RAB14: variants seen among roughly 807,000 people sequenced by gnomAD.
The protein encoded by RAB14 is ras-related protein Rab-14.
In RAB14, 3 loss-of-function variants were observed where a neutral mutation model predicts 31.1. The ratio of observed to expected loss-of-function variants is 0.10; its 90% confidence interval spans 0.04 to 0.25. RAB14 has a LOEUF of 0.25. RAB14 is among the 10% of genes least tolerant of loss of function. The pLI, the probability that RAB14 is intolerant of heterozygous loss-of-function variation, is 1.00. For synonymous variants in RAB14, 85 were observed against 84.9 expected (o/e 1.00, Z 0.00); for missense variants, 111 against 260.1 (o/e 0.43, Z 3.94).
At chr9:121,194,090 T>TCACACACACACACACACACACA (rs56275636) in intron 1 of RAB14, among the ~76,000 whole-genome samples, 21 of 141,400 alleles carry the variant, frequency 1.5e-4, no homozygotes, top group South Asian at 2.2e-4. Flanking sequence ...TTGCAGATTA[T>TCACACACACACACACACACACA]CACTCACACA....
At position 121,179,943 on chromosome 9, in the gene RAB14, TA is replaced by T. The variant is rs138931707; in HGVS notation, c.*1452del. On this transcript the variant is annotated 3_prime_UTR_variant, in exon 8 of 8. Transcript: ENST00000373840. ...CCCAGCCACTGAATCATAAATGCAATAAAAAAAATCAACAGAAATGAAGAAC... is the reference window on the plus strand; with the variant it reads ...CCCAGCCACTGAATCATAAATGCAATAAAAAAATCAACAGAAATGAAGAAC... The T allele has an allele frequency of 0.08, 12,190 of 152,422 alleles. 539 individuals are homozygous for T. The highest frequency in any genetic ancestry group is 0.11 in the Non-Finnish European group (7,418 of 67,970). 9.4% of individuals were successfully genotyped at this position (152,422 alleles called of 1,614,324 possible). A position where few individuals can be genotyped will look rare whatever the true frequency, so the allele number is the denominator to read the frequency against.
At chr9:121,197,901 T>C (rs1312088081) in intron 1 of RAB14, among the ~76,000 whole-genome samples, 1 of 152,218 alleles carries the variant, frequency 6.6e-6, no homozygotes, top group East Asian at 1.9e-4. Context: ...CAAAATAATA[T>C]CCATGTAGTT....
rs1362556212 is a variant in RAB14 at position 121,178,317 on chromosome 9, A to C, written c.*3079T>G. 1.3e-5 allele frequency: 2 copies of C among 152,348 alleles called. No individual in the cohort carries two copies. The highest frequency in any genetic ancestry group is 2.9e-5 in the Non-Finnish European group (2 of 68,038). The allele number at this position is 152,348 out of a possible 1,614,324, so 9.4% of individuals were successfully genotyped here. ...TTTTGTATTTACATTTTTTGTTTCAAGTCTTAGCAAAATGCTAAAAGGCCT... is the reference window on the plus strand; with the variant it reads ...TTTTGTATTTACATTTTTTGTTTCACGTCTTAGCAAAATGCTAAAAGGCCT... On this transcript the variant is annotated 3_prime_UTR_variant, in exon 8 of 8. Transcript: ENST00000373840.
At chr9:121,186,069 T>C (rs1005884542) in intron 5 of RAB14, among the ~76,000 whole-genome samples, 1 of 152,052 alleles carries the variant, frequency 6.6e-6, no homozygotes, top group Admixed American at 6.6e-5. Flanking sequence ...ATGTTGGGGG[T>C]ATAAAGCCAA....
At chr9:121,196,010 G>A (rs1045522694) in intron 1 of RAB14, among the ~76,000 whole-genome samples, 1 of 151,868 alleles carries the variant, frequency 6.6e-6, no homozygotes, top group Non-Finnish European at 1.5e-5. Context: ...TATTGTTAAG[G>A]TGAGGAATAT....
At chr9:121,196,655 C>A (rs1334753159) in intron 1 of RAB14, among the ~76,000 whole-genome samples, 2 of 152,156 alleles carry the variant, frequency 1.3e-5, no homozygotes, top group Non-Finnish European at 2.9e-5. Flanking sequence ...CGTGCCTCCT[C>A]CACATGGTTA....
At chr9:121,199,257 G>A (rs562210211) in intron 1 of RAB14, among the ~76,000 whole-genome samples, 5 of 152,300 alleles carry the variant, frequency 3.3e-5, no homozygotes, top group East Asian at 1.9e-4. Flanking sequence ...GATGAAGCAA[G>A]ACTGATCACT....
At chr9:121,190,447 T>C (rs1343998100) in intron 4 of RAB14, 107 bp downstream of exon 4, 8 of 1,006,042 alleles carry the variant, frequency 8.0e-6, no homozygotes, top group Middle Eastern at 5.1e-4. Context: ...AGTAAGTTCA[T>C]TCACAGTCAT....
chr9:121,182,942 G>T lies in RAB14; in HGVS notation c.458C>A (p.Ala153Glu). The change falls in exon 7 of 8, where the codon GCG becomes GAG. Residue 153 changes from alanine to glutamate, a missense_variant. Transcript: ENST00000373840. ...TGGTCACACTTACGTTTTTGCACTC[G>T]CTTCGAGGAACAATAAGCCTAAAAA... is the stretch of plus-strand genomic sequence containing the variant. ...AEENGLLFLE[A>E]SAKTGENVED... The T allele has an allele frequency of 1.2e-6, 2 of 1,602,828 alleles. No individual in the cohort carries two copies. Among genetic ancestry groups the T allele is most frequent in the Non-Finnish European group, 1.7e-6 (2 of 1,172,458 alleles).
At chr9:121,188,589 CA>C (rs2053670277) in intron 4 of RAB14, among the ~76,000 whole-genome samples, 1 of 150,050 alleles carries the variant, frequency 6.7e-6, no homozygotes, top group South Asian at 2.1e-4. Flanking sequence ...TATGGCAAAA[CA>C]ACTGTCACGA....
chr9:121,193,430 A>G lies in RAB14; in HGVS notation c.-7-11T>C. 3 of 1,553,366 alleles carry G rather than the reference A, an allele frequency of 1.9e-6. No homozygotes were observed. Among genetic ancestry groups the G allele is most frequent in the Non-Finnish European group, 1.7e-6 (2 of 1,145,264 alleles). ...GTTGCCATGGTGGCACTAAAAACAA[A>G]GAAATCTCTGTTACTTCAGAAGGAA... On this transcript the variant is annotated splice_polypyrimidine_tract_variant and intron_variant, in intron 1 of 7. Transcript: ENST00000373840.
Position 121,192,239 on chromosome 9 carries a change from AG to A in RAB14, c.53-16del. On this transcript the variant is annotated splice_polypyrimidine_tract_variant and intron_variant, in intron 2 of 7. Transcript: ENST00000373840. ...TCCCATGTCCCCTGTTTAAAAAAAA[AG>A]AAGTTTCAGGTGGCAATTACATTTC... 1.3e-6 allele frequency: 2 copies of A among 1,580,916 alleles called. No individual in the cohort carries two copies. Among genetic ancestry groups the A allele is most frequent in the South Asian group, 1.1e-5 (1 of 87,270 alleles).
rs757098321 is a variant in RAB14, at chr9:121,181,118, A to G, written c.*278T>C. The G allele has an allele frequency of 7.2e-6, 2 of 278,830 alleles. No homozygotes were observed. Among genetic ancestry groups the G allele is most frequent in the Non-Finnish European group, 1.3e-5 (2 of 150,024 alleles). 17.3% of individuals were successfully genotyped at this position (278,830 alleles called of 1,614,324 possible). ...AGTCCAGCATCAGTGCTCGGTTTAA[A>G]TCATATATTGGTGACATACTTATCA... On this transcript the variant is annotated 3_prime_UTR_variant, in exon 8 of 8. Coordinates refer to ENST00000373840, the MANE Select transcript of RAB14 (RefSeq NM_016322.4).
intron 3 of RAB14, 102 bp from the exon 4 acceptor site, chr9:121,190,833 TAC>T: frequency 8.8e-7 from 1 of 1,130,942 alleles, no homozygotes. Flanking sequence ...TACTAATACT[TAC>T]AGGCTATAAA....
chr9:121,199,566 A>G (rs916150872), intron 1 of RAB14, among the ~76,000 whole-genome samples: 1 of 152,244 alleles, frequency 6.6e-6, no homozygotes, highest in Admixed American at 6.5e-5. Flanking sequence ...GATATTTGAT[A>G]TTGATAAAAA....
intron 3 of RAB14, among the ~76,000 whole-genome samples, chr9:121,191,438 A>C (rs538093437): frequency 6.6e-6 from 1 of 152,224 alleles, no homozygotes; most frequent in African/African-American, 2.4e-5. Flanking sequence ...TCTGGGTTCA[A>C]GCAAGCCTCC....
intron 1 of RAB14, among the ~76,000 whole-genome samples, chr9:121,194,697 A>G (rs2053705623): frequency 6.6e-6 from 1 of 152,186 alleles, no homozygotes; most frequent in African/African-American, 2.4e-5. Context: ...CCAGACATTT[A>G]ATATGACTGG....
At position 121,190,691 on chromosome 9, in the gene RAB14, A is replaced by G; in HGVS notation, c.147T>C (p.Gly49=). 6.2e-7 allele frequency: 1 copy of G among 1,613,224 alleles called. No homozygotes were observed. The highest frequency in any genetic ancestry group is 1.7e-4 in the Middle Eastern group (1 of 6,058). Residue 49 remains glycine (G), a synonymous_variant, in exon 4 of 8, where the codon GGT becomes GGC. Coordinates refer to ENST00000373840, the MANE Select transcript of RAB14 (RefSeq NM_016322.4). ...DCPHTIGVEF[G]TRIIEVSGQK... ...GGCCACTAACTTCGATTATTCTTGT[A>G]CCAAATTCAACACCAATTGTGTGAG...
At position 121,181,406 on chromosome 9, in the gene RAB14, C is replaced by T; in HGVS notation, c.638G>A (p.Cys213Tyr). 6.3e-7 allele frequency: 1 copy of T among 1,597,664 alleles called. No individual in the cohort carries two copies. The highest frequency in any genetic ancestry group is 8.6e-7 in the Non-Finnish European group (1 of 1,167,878). ...ACAGCAAAGAGGTCACTAGCAGCCA[C>T]AGCCTTCTCTCTGGGGTTGGGGTTC... ...TSEPQPQREG[C>Y]GC is the part of the protein sequence containing the mutation. Residue 213 changes from cysteine to tyrosine, a missense_variant, in exon 8 of 8, where the codon TGT becomes TAT. Cys to Tyr is a radical substitution (Grantham distance 194, BLOSUM62 -2). Coordinates refer to ENST00000373840, the MANE Select transcript of RAB14 (RefSeq NM_016322.4).
Sources: gnomAD v4.1 joint callset for allele counts (sites outside exome capture counted in the v4.1 genomes callset) on GRCh38, gnomAD v4.1.1 for gene constraint, MANE v1.5 for transcripts, NCBI Gene and HGNC (gene_info 2026-07-23, HGNC 2026-07-21) for gene names.